Variants in IL1RAPL1 observed in about 807,000 individuals in gnomAD.
IL1RAPL1 encodes interleukin 1 receptor accessory protein like 1.
IL1RAPL1 carries 3 observed loss-of-function variants against 48.4 expected under a neutral mutation model. The observed-to-expected ratio is 0.06, with a 90% CI of 0.03 to 0.16. The LOEUF is 0.16. Ranked by LOEUF, IL1RAPL1 falls within the 10% of genes least tolerant of loss-of-function variation. The pLI, the probability that IL1RAPL1 is intolerant of heterozygous loss-of-function variation, is 1.00. For synonymous variants in IL1RAPL1, 185 were observed against 187.7 expected, an observed-to-expected ratio of 0.99 and a Z score of 0.12; for missense variants, 349 against 530.6, an observed-to-expected ratio of 0.66 and a Z score of 3.36.
intron 3 of IL1RAPL1, among the ~76,000 whole-genome samples, chrX:29,287,418 GTTTA>G (rs1367845562): frequency 2.7e-5 from 3 of 112,239 alleles, no homozygotes; most frequent in Non-Finnish European, 5.6e-5. Context: ...GTGAACATAA[GTTTA>G]TTTTTCTGGA....
intron 6 of IL1RAPL1, among the ~76,000 whole-genome samples, chrX:29,770,157 A>G (rs1929025810): frequency 8.9e-6 from 1 of 111,919 alleles, no homozygotes; most frequent in Admixed American, 9.5e-5. Flanking sequence ...TTATTGGCAA[A>G]GCACAATTTG....
intron 2 of IL1RAPL1, among the ~76,000 whole-genome samples, chrX:29,019,791 C>T (rs750708049): frequency 2.7e-5 from 3 of 112,247 alleles, no homozygotes; most frequent in Non-Finnish European, 5.6e-5. Context: ...TTATTAATAG[C>T]ATCTCCCTTT....
intron 2 of IL1RAPL1, among the ~76,000 whole-genome samples, chrX:28,793,707 T>C (rs1936579843): frequency 9.0e-6 from 1 of 111,482 alleles, no homozygotes; most frequent in Admixed American, 9.6e-5. Flanking sequence ...AGTATGACTA[T>C]AGCACTTTGC....
intron 5 of IL1RAPL1, among the ~76,000 whole-genome samples, chrX:29,464,978 T>A (rs1281233617): frequency 8.9e-6 from 1 of 111,734 alleles, no homozygotes; most frequent in African/African-American, 3.3e-5. Context: ...GTACTATGGT[T>A]ATTACCTGGG....
chrX:29,003,182 A>G (rs903662655), intron 2 of IL1RAPL1, among the ~76,000 whole-genome samples: 4 of 111,837 alleles, frequency 3.6e-5, no homozygotes, highest in Non-Finnish European at 7.5e-5. Context: ...AACAGTGGGA[A>G]ATAGCATAGA....
At chrX:29,841,369 T>C (rs1931132440) in intron 6 of IL1RAPL1, among the ~76,000 whole-genome samples, 1 of 112,103 alleles carries the variant, frequency 8.9e-6, no homozygotes, top group African/African-American at 3.2e-5. Context: ...TTGTCATGTT[T>C]TGCTTTATAA....
Position 28,687,961 on chromosome X carries a change from G to A in IL1RAPL1, c.-25+99914G>A, listed in dbSNP as rs149564651. 8.8e-3 allele frequency among the ~76,000 whole-genome samples: 956 copies of A among 108,437 alleles called. 9 individuals are homozygous for A. Among genetic ancestry groups the A allele is most frequent in the African/African-American group, 0.03 (909 of 29,814 alleles). The allele number at this position is 108,437 out of a possible 115,157, so 94.2% of individuals were successfully genotyped here. On this transcript the variant is annotated intron_variant, in intron 1 of 10. Transcript: ENST00000378993. ...TACTAAAAATACAAAAATTATCCAG[G>A]CGTGGTGGTACATGCTACAGTAATC...
chrX:28,871,960 T>A (rs1193928493), intron 2 of IL1RAPL1, among the ~76,000 whole-genome samples: 3 of 112,094 alleles, frequency 2.7e-5, no homozygotes, highest in Non-Finnish European at 5.6e-5. Context: ...GTGATTATAA[T>A]CTCTATTTAC....
At chrX:29,678,559 G>A (rs943691510) in intron 6 of IL1RAPL1, among the ~76,000 whole-genome samples, 2 of 105,999 alleles carry the variant, frequency 1.9e-5, no homozygotes, top group African/African-American at 6.9e-5. Context: ...TAGTAGACAC[G>A]GGGTCCCACC....
At chrX:29,393,975 G>A (rs1023425632) in intron 3 of IL1RAPL1, among the ~76,000 whole-genome samples, 1 of 110,709 alleles carries the variant, frequency 9.0e-6, no homozygotes, top group African/African-American at 3.3e-5. Context: ...TGGGTGTGAA[G>A]CTCAAGCTAA....
chrX:28,780,306 A>C (rs907175879), intron 1 of IL1RAPL1, among the ~76,000 whole-genome samples: 4 of 96,572 alleles, frequency 4.1e-5, no homozygotes, highest in Non-Finnish European at 8.3e-5. Flanking sequence ...TATACATTTC[A>C]TTCTTTCAAT....
chrX:28,794,548 T>C (rs947372851), intron 2 of IL1RAPL1, among the ~76,000 whole-genome samples: 1 of 111,528 alleles, frequency 9.0e-6, no homozygotes, highest in Non-Finnish European at 1.9e-5. Flanking sequence ...AGGAATTTCA[T>C]CTATATAAAA....
At chrX:29,333,414 C>CA (rs1481443890) in intron 3 of IL1RAPL1, among the ~76,000 whole-genome samples, 5 of 98,701 alleles carry the variant, frequency 5.1e-5, no homozygotes, top group East Asian at 3.2e-4. Flanking sequence ...GGCTGACCCC[C>CA]CCACCTCCCT....
intron 6 of IL1RAPL1, among the ~76,000 whole-genome samples, chrX:29,846,716 T>A (rs1047986281): frequency 5.6e-5 from 6 of 106,692 alleles, no homozygotes; most frequent in African/African-American, 2.0e-4. Context: ...TATTTCACAT[T>A]GTATAGCCAT....
intron 2 of IL1RAPL1, among the ~76,000 whole-genome samples, chrX:29,032,455 C>A (rs1369304919): frequency 9.0e-6 from 1 of 111,375 alleles, no homozygotes; most frequent in Non-Finnish European, 1.9e-5. Context: ...TTGCTAACAG[C>A]TATCTTATAA....
intron 5 of IL1RAPL1, among the ~76,000 whole-genome samples, chrX:29,654,105 G>A (rs1281354871): frequency 9.2e-6 from 1 of 109,145 alleles, no homozygotes; most frequent in African/African-American, 3.3e-5. Flanking sequence ...ATTATCTGGA[G>A]GTTTTTTTTA....
At chrX:28,815,237 C>T (rs1256313523) in intron 2 of IL1RAPL1, among the ~76,000 whole-genome samples, 2 of 110,754 alleles carry the variant, frequency 1.8e-5, no homozygotes, top group East Asian at 5.7e-4. Flanking sequence ...TGAAATCCCT[C>T]AAGTTTTGTT....
chrX:29,084,025 G>T (rs1260493746), intron 2 of IL1RAPL1, among the ~76,000 whole-genome samples: 1 of 111,199 alleles, frequency 9.0e-6, no homozygotes, highest in African/African-American at 3.3e-5. Context: ...CTTCTTCAAA[G>T]GGATGGGCGC....
chrX:29,824,698 G>A (rs963740999), intron 6 of IL1RAPL1, among the ~76,000 whole-genome samples: 1 of 111,809 alleles, frequency 8.9e-6, no homozygotes, highest in Admixed American at 9.5e-5. Flanking sequence ...AAGTGTCTCA[G>A]TGAAGGGGAA....
Sources: gnomAD v4.1 joint callset for allele counts (sites outside exome capture counted in the v4.1 genomes callset) on GRCh38, gnomAD v4.1.1 for gene constraint, MANE v1.5 for transcripts, NCBI Gene and HGNC (gene_info 2026-07-23, HGNC 2026-07-21) for gene names.